Variants in ATG9B observed in about 807,000 individuals in gnomAD.
ATG9B encodes the protein autophagy-related protein 9B.
In ATG9B, 92 loss-of-function variants were observed where a neutral mutation model predicts 92.9. The ratio of observed to expected loss-of-function variants is 0.99; its 90% confidence interval spans 0.84 to 1.18. The LOEUF (loss-of-function observed/expected upper bound fraction) is 1.18. Ranked by LOEUF, ATG9B falls within the 50% of genes most tolerant of loss-of-function variation. The probability of loss-of-function intolerance (pLI) is 0.00; values close to 1 mark genes in which losing one functional copy is unlikely to be tolerated. For missense variants in ATG9B, 1,344 were observed against 1,235.0 expected, an observed-to-expected ratio of 1.09 and a Z score of -1.32; for synonymous variants, 599 against 551.4, an observed-to-expected ratio of 1.09 and a Z score of -1.21.
rs1380392143 is a variant in ATG9B at position 151,023,442 on chromosome 7, C to T, written c.659+3G>A. 1.9e-6 allele frequency: 3 copies of T among 1,612,868 alleles called. No homozygotes were observed. Among genetic ancestry groups the T allele is most frequent in the South Asian group, 1.1e-5 (1 of 90,884 alleles). ...AGTTCCGGGCCCGGGCTAAGCGTCT[C>T]ACCCCAGCTGGAAGACATCCTCCAG... is the stretch of plus-strand genomic sequence containing the variant. On this transcript the variant is annotated splice_donor_region_variant and intron_variant, in intron 3 of 13. Transcript: ENST00000639579.
At position 151,024,292 on chromosome 7, in the gene ATG9B, C is replaced by T. The variant is rs1172067715; in HGVS notation, c.132G>A (p.Gly44=). ...PPPPPSCRGP[G]GGRISIFSLS... ...GAGAGAAGATGGAGATCCTCCCTCC[C>T]CCAGGTCCCCGGCATGAAGGAGGAG... Residue 44 remains glycine (G), a synonymous_variant, in exon 1 of 14, where the codon GGG becomes GGA. Transcript: ENST00000639579. 1.4e-6 allele frequency: 2 copies of T among 1,428,886 alleles called. No individual in the cohort carries two copies. The highest frequency in any genetic ancestry group is 9.2e-7 in the Non-Finnish European group (1 of 1,087,192). The allele number at this position is 1,428,886 out of a possible 1,614,324, so 88.5% of individuals were successfully genotyped here.
chr7:151,016,296 G>A (rs1420353337), intron 11 of ATG9B, 61 bp from the exon 12 acceptor site: 2 of 1,476,756 alleles, frequency 1.4e-6, no homozygotes, highest in African/African-American at 2.8e-5. Flanking sequence ...CAAGCACCTG[G>A]GCTAGAGGCA....
chr7:151,013,583 C>A (rs557984323), downstream of ATG9B: 2 of 1,023,390 alleles, frequency 2.0e-6, no homozygotes, highest in Non-Finnish European at 2.8e-6. Flanking sequence ...TTGGCTCTGC[C>A]CCTGTTGACA....
At chr7:151,023,244 G>T (rs771889116) in intron 3 of ATG9B, 38 bp from the exon 4 acceptor site, 21 of 1,613,404 alleles carry the variant, frequency 1.3e-5, no homozygotes, top group Non-Finnish European at 1.8e-5. Flanking sequence ...ATGCTGCAGT[G>T]ATCAGGGACA....
chr7:151,023,893 A>G lies in ATG9B; in HGVS notation c.531T>C (p.His177=), dbSNP rs1198009749. 6.2e-7 allele frequency: 1 copy of G among 1,609,962 alleles called. No individual in the cohort carries two copies. The highest frequency in any genetic ancestry group is 1.1e-5 in the South Asian group (1 of 90,340). Residue 177 remains histidine, a synonymous_variant, in exon 1 of 14, where the codon CAT becomes CAC. Transcript: ENST00000639579. ...IHGEEQQPLL[H]VPEGLRGSWH... ...ACATACCTCGGAGCCCTTCAGGGAC[A>G]TGAAGCAGGGGTTGCTGCTCCTCCC...
downstream of ATG9B, chr7:151,012,265 G>A (rs896866355): frequency 6.7e-6 from 8 of 1,188,800 alleles, no homozygotes; most frequent in Admixed American, 1.2e-4. Context: ...AAGAACTTGG[G>A]TCCTCCTTGC....
chr7:151,017,953 T>C lies in ATG9B; in HGVS notation c.1970A>G (p.His657Arg), dbSNP rs758824340. 2.5e-6 allele frequency: 4 copies of C among 1,608,886 alleles called. No homozygotes were observed. Among genetic ancestry groups the C allele is most frequent in the African/African-American group, 1.3e-5 (1 of 74,784 alleles). The change falls in exon 8 of 14, where the codon CAT becomes CGT. Residue 657 changes from histidine to arginine, a missense_variant. Coordinates refer to ENST00000639579, the MANE Select transcript of ATG9B (RefSeq NM_001317056.2). ...PRALEIIDFF[H>R]HFTVDVAGVG... Reference sequence around the variant, plus strand: ...CCCAGCCACATCCACAGTGAAGTGATGAAAAAAGTCGATAATCTCCAGGGC... The same window carrying C: ...CCCAGCCACATCCACAGTGAAGTGACGAAAAAAGTCGATAATCTCCAGGGC...
rs888935014 is a variant in ATG9B at position 151,016,543 on chromosome 7, AAGC to A, written c.2424-19_2424-17del. ...GGACACAGAGCTGGAACATAACATG[AAGC>A]AGGTCAAAAGTCATGCCCTCCTCCC... On this transcript the variant is annotated splice_polypyrimidine_tract_variant and intron_variant, in intron 10 of 13. Coordinates refer to ENST00000639579, the MANE Select transcript of ATG9B (RefSeq NM_001317056.2). The A allele has an allele frequency of 6.5e-7, 1 of 1,549,082 alleles. No homozygotes were observed.
intron 5 of ATG9B, 78 bp downstream of exon 5, chr7:151,021,110 G>A: frequency 3.2e-6 from 5 of 1,550,532 alleles, no homozygotes; most frequent in Non-Finnish European, 3.5e-6. Flanking sequence ...CCTTCCACCT[G>A]TACAGTCCCA....
chr7:151,018,548 G>C lies in ATG9B; in HGVS notation c.1718+72C>G. Reference sequence around the variant, plus strand: ...CCAGTGGTGGGAGAGGTAAGGATTCGGGGGGAACCTCACATGGCCCCAGAT... The same window carrying C: ...CCAGTGGTGGGAGAGGTAAGGATTCCGGGGGAACCTCACATGGCCCCAGAT... On this transcript the variant is annotated intron_variant, in intron 6 of 13. Coordinates refer to ENST00000639579, the MANE Select transcript of ATG9B (RefSeq NM_001317056.2). The surrounding 1 kb of genome is among the most constrained non-coding windows in gnomAD (Gnocchi z 4.7). The C allele has an allele frequency of 9.1e-6, 14 of 1,534,470 alleles. No individual in the cohort carries two copies. The highest frequency in any genetic ancestry group is 1.2e-5 in the Non-Finnish European group (14 of 1,143,910).
downstream of ATG9B, chr7:151,012,662 TG>T (rs1795331593): frequency 3.4e-6 from 2 of 594,520 alleles, no homozygotes; most frequent in Non-Finnish European, 2.9e-6. Flanking sequence ...TCTGGCTTCC[TG>T]GTGCCTGGTA....
At position 151,023,744 on chromosome 7, in the gene ATG9B, G is replaced by T; in HGVS notation, c.551-14C>A. 2 of 1,614,018 alleles carry T rather than the reference G, an allele frequency of 1.2e-6. No individual in the cohort carries two copies. Among genetic ancestry groups the T allele is most frequent in the South Asian group, 1.1e-5 (1 of 91,090 alleles). ...GATGCCAGGAGCCTGGGCACAGAGG[G>T]GAGAGTGTCAGCCCCTGGCATGTGA... On this transcript the variant is annotated splice_polypyrimidine_tract_variant and intron_variant, in intron 1 of 13. Coordinates refer to ENST00000639579, the MANE Select transcript of ATG9B (RefSeq NM_001317056.2).
chr7:151,013,786 C>G (rs200424809), downstream of ATG9B: 32 of 1,611,386 alleles, frequency 2.0e-5, no homozygotes, highest in Middle Eastern at 1.7e-4. Context: ...TGCTGTGCCT[C>G]GAGCGGGGCC....
chr7:151,019,058 T>G lies in ATG9B; in HGVS notation c.1280A>C (p.Gln427Pro). 6.5e-7 allele frequency: 1 copy of G among 1,537,060 alleles called. No homozygotes were observed. Among genetic ancestry groups the G allele is most frequent in the South Asian group, 1.2e-5 (1 of 84,006 alleles). ...CCAGCGCGCTGCTAGGGCGCCCCGC[T>G]GGTCGCTGCGCTTGTAGGCGTGCGG... ...ELPHAYKRSD[Q>P]RGALAARWGR... Residue 427 changes from glutamine (Q) to proline (P), a missense_variant, in exon 6 of 14, where the codon CAG becomes CCG. By Grantham distance (76) the Gln-to-Pro change is moderately conservative (BLOSUM62 -1). Transcript: ENST00000639579.
In ATG9B at chr7:151,016,260, G is replaced by A. The variant is rs1029214680; in HGVS notation, c.2521-25C>T. On this transcript the variant is annotated intron_variant, in intron 11 of 13. Transcript: ENST00000639579. ...GCTGCATGGAAAGGAGGAGGAATGA[G>A]GGCTGCACCCCAAGGAGGGCAGGGC... is the stretch of plus-strand genomic sequence containing the variant. 4.0e-6 allele frequency: 6 copies of A among 1,482,200 alleles called. No individual in the cohort carries two copies. The African/African-American group carries it at 8.4e-5, about 21-fold the overall frequency. 91.8% of individuals were successfully genotyped at this position (1,482,200 alleles called of 1,614,324 possible).
rs568905317 is a variant in ATG9B at position 151,020,195 on chromosome 7, A to G, written c.964-821T>C. On this transcript the variant is annotated intron_variant, in intron 5 of 13. Coordinates refer to ENST00000639579, the MANE Select transcript of ATG9B (RefSeq NM_001317056.2). The stretch of plus-strand genomic sequence containing the variant: ...CAGAAGCCTTCCCAGGACCTGGGCT[A>G]TGTCCACATCTGGCAGTGGGGCACT... 3 of 152,760 alleles carry G rather than the reference A, an allele frequency of 2.0e-5. No homozygotes were observed. The South Asian group carries it at 6.2e-4, about 32-fold the overall frequency. 9.5% of individuals were successfully genotyped at this position (152,760 alleles called of 1,614,324 possible).
Position 151,018,309 on chromosome 7 carries a change from CA to C in ATG9B, c.1856del (p.Leu619ArgfsTer59), listed in dbSNP as rs1397513551. Reference sequence around the variant, plus strand: ...CCACCCTCACCGCTCGGTACTGCAGCAGCTGCGCCATCTGCCGGTAGGCGCG... The same window carrying C: ...CCACCCTCACCGCTCGGTACTGCAGCGCTGCGCCATCTGCCGGTAGGCGCG... ...RDRAYRQMAQ[L>X]LQYRAVSLLE... is the part of the protein sequence containing the mutation. On this transcript the variant is annotated frameshift_variant, in exon 7 of 14. Transcript: ENST00000639579. LOFTEE classifies it high-confidence loss of function. This position sits in a 1 kb window ranked among gnomAD's most constrained non-coding sequence, Gnocchi z 4.7. 16 of 1,573,652 alleles carry C rather than the reference CA, an allele frequency of 1.0e-5. No homozygotes were observed. The highest frequency in any genetic ancestry group is 2.2e-5 in the East Asian group (1 of 44,698).
chr7:151,016,561 G>A, intron 10 of ATG9B, 34 bp from the exon 11 acceptor site: 1 of 1,541,624 alleles, frequency 6.5e-7, no homozygotes, highest in Non-Finnish European at 8.8e-7. Flanking sequence ...CAAAAGTCAT[G>A]CCCTCCTCCC....
Position 151,017,221 on chromosome 7 carries a change from C to G in ATG9B, c.2104G>C (p.Gly702Arg). The change falls in exon 9 of 14, where the codon GGC becomes CGC. Residue 702 changes from glycine to arginine, a missense_variant. Transcript: ENST00000639579. ...CGCATCAAAGAAAGCTCAGTCTTGC[C>G]GTCCTCCGCACGCTGAGACAGCGAG... is the stretch of plus-strand genomic sequence containing the variant. The part of the protein sequence containing the change: ...EASLSQRAED[G>R]KTELSLMRFS... 1.2e-6 allele frequency: 2 copies of G among 1,611,650 alleles called. No individual in the cohort carries two copies. The highest frequency in any genetic ancestry group is 1.7e-6 in the Non-Finnish European group (2 of 1,178,772).
Sources: gnomAD v4.1 joint callset for allele counts on GRCh38, gnomAD v4.1.1 for gene constraint, Gnocchi (gnomAD v3.1) non-coding constraint, MANE v1.5 for transcripts, NCBI Gene and HGNC (gene_info 2026-07-23, HGNC 2026-07-21) for gene names.